Variants in OC90 observed in about 807,000 individuals in gnomAD.
OC90 encodes otoconin-90.
Under a neutral mutation model 47.3 loss-of-function variants are expected in OC90, and 46 were observed. That is an observed-to-expected ratio of 0.97 (90% CI 0.77 to 1.24). The LOEUF is 1.24. Among genes scored for constraint, OC90 ranks in the 50% most tolerant of loss-of-function variants. OC90 has a pLI of 0.00. For synonymous variants in OC90, 271 were observed against 219.5 expected (o/e 1.23, Z -2.07); for missense variants, 688 against 583.9 (o/e 1.18, Z -1.84).
In OC90 at chr8:132,032,055, G is replaced by A. The variant is rs1318975707; in HGVS notation, c.860-3C>T. The A allele has an allele frequency of 2.5e-6, 4 of 1,613,154 alleles. No homozygotes were observed. The highest frequency in any genetic ancestry group is 2.7e-5 in the African/African-American group (2 of 74,908). On this transcript the variant is annotated splice_region_variant and splice_polypyrimidine_tract_variant and intron_variant, in intron 11 of 13. Coordinates refer to ENST00000254627, the MANE Select transcript of OC90 (RefSeq NM_001080399.3). ...CAGGAAGGTGAATCTGTCACAGGCTGAAAGGAACAGGAATTGTCAGGAGAG... is the reference window on the plus strand; with the variant it reads ...CAGGAAGGTGAATCTGTCACAGGCTAAAAGGAACAGGAATTGTCAGGAGAG...
Position 132,041,674 on chromosome 8 carries a change from C to A in OC90, c.195G>T (p.Trp65Cys). 6.3e-7 allele frequency: 1 copy of A among 1,598,260 alleles called. No homozygotes were observed. Among genetic ancestry groups the A allele is most frequent in the Non-Finnish European group, 8.5e-7 (1 of 1,172,562 alleles). Residue 65 changes from tryptophan (W) to cysteine (C), a missense_variant, in exon 5 of 14, where the codon TGG becomes TGT. Trp to Cys is a radical substitution (Grantham distance 215, BLOSUM62 -2). Coordinates refer to ENST00000254627, the MANE Select transcript of OC90 (RefSeq NM_001080399.3). ...IFDCLGPHFT[W>C]LQAVFTNFPV... ...GGAAATTGGTGAAGACAGCCTGCAG[C>A]CAGGTGAAGTGGGGGCCCAGGCAAT...
intron 12 of OC90, 34 bp from the exon 13 acceptor site, chr8:132,029,213 C>A: frequency 1.3e-6 from 2 of 1,541,080 alleles, no homozygotes; most frequent in East Asian, 2.2e-5. Context: ...CTTCTCAGAG[C>A]TCCTGGCTTC....
rs199532489 is a variant in OC90 at position 132,028,823 on chromosome 8, A to G, written c.1138+250T>C. Reference sequence around the variant, plus strand: ...GGAAAGAAAGAAAGAAAGAAAGAAAAAGAAAGAAAGAAAGAAAAGGAAAGA... The same window carrying G: ...GGAAAGAAAGAAAGAAAGAAAGAAAGAGAAAGAAAGAAAGAAAAGGAAAGA... On this transcript the variant is annotated intron_variant, in intron 13 of 13. Coordinates refer to ENST00000254627, the MANE Select transcript of OC90 (RefSeq NM_001080399.3). 4.3e-4 allele frequency among the ~76,000 whole-genome samples: 61 copies of G among 142,410 alleles called. 1 individual carries two copies. Among genetic ancestry groups the G allele is most frequent in the Admixed American group, 5.6e-4 (8 of 14,364 alleles). 93.4% of individuals were successfully genotyped at this position (142,410 alleles called of 152,430 possible).
intron 1 of OC90, among the ~76,000 whole-genome samples, chr8:132,058,428 T>C (rs1287623850): frequency 1.3e-5 from 2 of 152,132 alleles, no homozygotes; most frequent in African/African-American, 2.4e-5. Context: ...CTCGCCTTGG[T>C]CTGCATGCCA....
intron 11 of OC90, 119 bp from the exon 12 acceptor site, chr8:132,032,171 T>C: frequency 2.4e-6 from 2 of 849,526 alleles, no homozygotes; most frequent in Non-Finnish European, 3.8e-6. Flanking sequence ...AGGAACCCCA[T>C]GTCTTACTCG....
At chr8:132,029,732 A>C (rs941381607) in intron 12 of OC90, among the ~76,000 whole-genome samples, 3 of 152,180 alleles carry the variant, frequency 2.0e-5, no homozygotes, top group Non-Finnish European at 4.4e-5. Context: ...AGGACCTCGT[A>C]AATACATGAA....
intron 2 of OC90, among the ~76,000 whole-genome samples, chr8:132,053,721 A>C (rs1160550040): frequency 6.6e-6 from 1 of 152,228 alleles, no homozygotes; most frequent in African/African-American, 2.4e-5. Context: ...TGGGGGCTGC[A>C]GCATGAGCTT....
chr8:132,050,825 AC>A (rs1447264517), intron 2 of OC90, among the ~76,000 whole-genome samples: 1 of 151,764 alleles, frequency 6.6e-6, no homozygotes, highest in Non-Finnish European at 1.5e-5. Context: ...ACATGGAAAA[AC>A]CCCATCTCTA....
chr8:132,047,323 CTT>C (rs11339050), intron 2 of OC90, among the ~76,000 whole-genome samples: 47,044 of 150,608 alleles, frequency 0.31, 7,508 homozygotes, highest in East Asian at 0.48. Flanking sequence ...AGTCAGCTCA[CTT>C]TTTTTTTTAT....
At chr8:132,028,984 T>G in intron 13 of OC90, 89 bp downstream of exon 13, 1 of 861,632 alleles carries the variant, frequency 1.2e-6, no homozygotes, top group Non-Finnish European at 2.0e-6. Context: ...CACAGTTAAG[T>G]GCTTGGGAAA....
Position 132,034,789 on chromosome 8 carries a change from G to A in OC90, c.725C>T (p.Ser242Phe), listed in dbSNP as rs1361364144. ...QEGVGAARAT[S>F]PPGSAEIVAT... ...GAGCCCAGTAGGCTTACCTGGAGGGGACGTAGCCCTAGCAGCTCCCACTCC... is the reference window on the plus strand; with the variant it reads ...GAGCCCAGTAGGCTTACCTGGAGGGAACGTAGCCCTAGCAGCTCCCACTCC... Residue 242 changes from serine to phenylalanine, a missense_variant, in exon 10 of 14, where the codon TCC (serine) becomes TTC (phenylalanine). Coordinates refer to ENST00000254627, the MANE Select transcript of OC90 (RefSeq NM_001080399.3). 6.2e-7 allele frequency: 1 copy of A among 1,611,520 alleles called. No homozygotes were observed. Among genetic ancestry groups the A allele is most frequent in the East Asian group, 2.2e-5 (1 of 44,790 alleles).
Position 132,033,106 on chromosome 8 carries a change from A to C in OC90, c.792T>G (p.Ala264=), listed in dbSNP as rs369290243. 5.6e-6 allele frequency: 9 copies of C among 1,609,142 alleles called. No individual in the cohort carries two copies. In the African/African-American group the frequency reaches 1.2e-4, roughly 21 times the overall value. Residue 264 remains alanine (A), a synonymous_variant, in exon 11 of 14, where the codon GCT becomes GCG. Transcript: ENST00000254627. The part of the protein sequence containing the change: ...VTAKIVTLVP[A]GIKSLGLAVS... ...CTGCCAGCCCCAGAGATTTAATGCCAGCAGGGACAAGGGTTACAATTTTAG... is the reference window on the plus strand; with the variant it reads ...CTGCCAGCCCCAGAGATTTAATGCCCGCAGGGACAAGGGTTACAATTTTAG...
intron 4 of OC90, among the ~76,000 whole-genome samples, chr8:132,042,683 C>T (rs1018039594): frequency 6.6e-6 from 1 of 152,164 alleles, no homozygotes; most frequent in African/African-American, 2.4e-5. Context: ...CTCAAACTCC[C>T]TCCATGCTAA....
At chr8:132,048,629 G>A (rs958850896) in intron 2 of OC90, among the ~76,000 whole-genome samples, 4 of 151,436 alleles carry the variant, frequency 2.6e-5, no homozygotes, top group Admixed American at 2.6e-4. Flanking sequence ...TTCTATCAGC[G>A]TCAATAACTA....
intron 6 of OC90, among the ~76,000 whole-genome samples, chr8:132,039,623 C>T (rs1586710782): frequency 6.6e-6 from 1 of 152,270 alleles, no homozygotes; most frequent in Non-Finnish European, 1.5e-5. Flanking sequence ...CATGATTGCT[C>T]CCCTGACCCA....
At chr8:132,046,712 A>G (rs1159656955) in intron 2 of OC90, among the ~76,000 whole-genome samples, 2 of 152,352 alleles carry the variant, frequency 1.3e-5, no homozygotes, top group Non-Finnish European at 2.9e-5. Context: ...GCTTGTAAGT[A>G]GTTGGAAATG....
chr8:132,027,179 A>G (rs561755635), intron 13 of OC90, among the ~76,000 whole-genome samples: 3 of 152,204 alleles, frequency 2.0e-5, no homozygotes, highest in African/African-American at 7.2e-5. Flanking sequence ...GTTAGTACAT[A>G]CTACATGAGA....
At chr8:132,055,683 C>A (rs1266349246) in intron 1 of OC90, among the ~76,000 whole-genome samples, 1 of 152,188 alleles carries the variant, frequency 6.6e-6, no homozygotes, top group Non-Finnish European at 1.5e-5. Context: ...TCTTCCTTCC[C>A]TTCCTCGGCT....
At chr8:132,034,983 A>G in intron 9 of OC90, 149 bp from the exon 10 acceptor site, 1 of 600,824 alleles carries the variant, frequency 1.7e-6, no homozygotes, top group Non-Finnish European at 3.0e-6. Flanking sequence ...ATTTCCTAAG[A>G]GAGCTGGTGA....
Sources: gnomAD v4.1 joint callset for allele counts (sites outside exome capture counted in the v4.1 genomes callset) on GRCh38, gnomAD v4.1.1 for gene constraint, MANE v1.5 for transcripts, NCBI Gene and HGNC (gene_info 2026-07-23, HGNC 2026-07-21) for gene names.